Variants in ATG4C observed in about 807,000 individuals in gnomAD.
ATG4C encodes the protein cysteine protease ATG4C.
Under a neutral mutation model 57.6 loss-of-function variants are expected in ATG4C, and 56 were observed. The observed-to-expected ratio is 0.97, with a 90% CI of 0.78 to 1.21. The LOEUF (loss-of-function observed/expected upper bound fraction) is 1.21. ATG4C is among the 50% of genes most tolerant of loss of function. ATG4C has a pLI of 0.00. For synonymous variants in ATG4C, 157 were observed against 174.1 expected (o/e 0.90, Z 0.78); for missense variants, 595 against 529.8 (o/e 1.12, Z -1.21).
intron 1 of ATG4C, among the ~76,000 whole-genome samples, chr1:62,784,813 C>T (rs1664028345): frequency 6.6e-6 from 1 of 152,062 alleles, no homozygotes; most frequent in South Asian, 2.1e-4. Context: ...CATTTGGTTC[C>T]CGCTCACCGT....
chr1:62,803,909 A>G (rs12125325), intron 2 of ATG4C, 47 bp downstream of exon 2: 202,450 of 1,206,778 alleles, frequency 0.17, 18,881 homozygotes, highest in African/African-American at 0.29. Context: ...GAAATATTTG[A>G]CAATATTTAT....
At chr1:62,852,127 T>G (rs1666536082) in intron 10 of ATG4C, among the ~76,000 whole-genome samples, 1 of 152,336 alleles carries the variant, frequency 6.6e-6, no homozygotes, top group Non-Finnish European at 1.5e-5. Context: ...CAGTTCAGGT[T>G]GTAGGTGGCC....
At chr1:62,793,597 G>GAAAAAAAAAAAAAAAAAAAA (rs746057232) in intron 1 of ATG4C, among the ~76,000 whole-genome samples, 2 of 20,518 alleles carry the variant, frequency 9.7e-5, no homozygotes, top group Non-Finnish European at 1.8e-4. Flanking sequence ...ACCTTGTCTC[G>GAAAAAAAAAAAAAAAAAAAA]AAAAAAAAAA....
chr1:62,856,870 A>G lies in ATG4C; in HGVS notation c.1210-7122A>G, dbSNP rs77835932. On this transcript the variant is annotated intron_variant, in intron 10 of 10. Coordinates refer to ENST00000317868, the MANE Select transcript of ATG4C (RefSeq NM_032852.4). The stretch of plus-strand genomic sequence containing the variant: ...ATCTATGGTAGGATGTTTATGAGGT[A>G]GTCTGTTTAAGGGAACAGTAAAACC... 6.2e-3 allele frequency among the ~76,000 whole-genome samples: 938 copies of G among 152,244 alleles called. 8 individuals carry two copies. The highest frequency in any genetic ancestry group is 0.039 in the South Asian group (187 of 4,818).
intron 6 of ATG4C, among the ~76,000 whole-genome samples, chr1:62,825,324 C>G (rs562126871): frequency 9.4e-4 from 143 of 151,646 alleles, no homozygotes; most frequent in African/African-American, 2.9e-3. Flanking sequence ...CTCGCAGTAA[C>G]TTCTCAGTCC....
intron 10 of ATG4C, among the ~76,000 whole-genome samples, chr1:62,844,438 A>G (rs1251570535): frequency 6.6e-6 from 1 of 152,218 alleles, no homozygotes; most frequent in Non-Finnish European, 1.5e-5. Flanking sequence ...AAAGGGGTAT[A>G]TAAGTCTCTG....
intron 10 of ATG4C, among the ~76,000 whole-genome samples, chr1:62,858,877 C>T (rs969906834): frequency 2.0e-5 from 3 of 152,096 alleles, no homozygotes; most frequent in Admixed American, 6.5e-5. Context: ...ACACTTAGTT[C>T]GACTATATGA....
intron 3 of ATG4C, among the ~76,000 whole-genome samples, chr1:62,812,454 T>A (rs889953322): frequency 6.6e-6 from 1 of 152,102 alleles, no homozygotes; most frequent in Non-Finnish European, 1.5e-5. Context: ...ATAAACTAGG[T>A]ATTGATGGAA....
Position 62,816,772 on chromosome 1 carries a change from T to C in ATG4C, c.358T>C (p.Leu120=). The C allele has an allele frequency of 6.2e-7, 1 of 1,609,690 alleles. No homozygotes were observed. The highest frequency in any genetic ancestry group is 1.1e-5 in the South Asian group (1 of 90,372). ...CACATTGAGAACTGGCCAGATGCTC[T>C]TGGCTCAAGGACTCATACTACACTT... The part of the protein sequence containing the change: ...GCTLRTGQML[L]AQGLILHFLG... The change falls in exon 4 of 11, where the codon TTG becomes CTG. Residue 120 remains leucine (L), a synonymous_variant. Coordinates refer to ENST00000317868, the MANE Select transcript of ATG4C (RefSeq NM_032852.4).
Position 62,816,708 on chromosome 1 carries a change from A to G in ATG4C, c.294A>G (p.Ile98Met), listed in dbSNP as rs373149261. The change falls in exon 4 of 11, where the codon ATA becomes ATG. Residue 98 changes from isoleucine (I) to methionine (M), a missense_variant. Ile to Met is a conservative substitution (Grantham distance 10). Transcript: ENST00000317868. ...CCTACAGGGAAGAATTCCCTCAAAT[A>G]GAAGGCTCAGCTTTGACAACAGACT... ...WLTYREEFPQIEGSALTTDCG... is the reference protein window; with the variant it reads ...WLTYREEFPQMEGSALTTDCG... 9 of 1,613,818 alleles carry G rather than the reference A, an allele frequency of 5.6e-6. No homozygotes were observed. Among genetic ancestry groups the G allele is most frequent in the Admixed American group, 1.7e-5 (1 of 59,954 alleles).
intron 10 of ATG4C, among the ~76,000 whole-genome samples, chr1:62,845,400 T>C (rs1666297121): frequency 1.3e-5 from 2 of 152,168 alleles, no homozygotes; most frequent in Admixed American, 6.6e-5. Flanking sequence ...TTTTGTGAAT[T>C]TCCCATTCAT....
intron 7 of ATG4C, among the ~76,000 whole-genome samples, chr1:62,830,232 G>T (rs1431519450): frequency 1.3e-5 from 2 of 152,042 alleles, no homozygotes; most frequent in Admixed American, 1.3e-4. Flanking sequence ...CCAAATAAAG[G>T]TAAGGTTTTG....
At chr1:62,789,790 C>G (rs987101639) in intron 1 of ATG4C, among the ~76,000 whole-genome samples, 2 of 151,974 alleles carry the variant, frequency 1.3e-5, no homozygotes, top group East Asian at 3.9e-4. Context: ...GCACTCCAGC[C>G]TGGGCGACAG....
intron 10 of ATG4C, among the ~76,000 whole-genome samples, chr1:62,850,899 TATAC>T (rs1205883862): frequency 0.012 from 774 of 62,506 alleles, 24 homozygotes; most frequent in African/African-American, 0.025. Context: ...TATATATATA[TATAC>T]ATACACATAC....
At chr1:62,802,227 G>C (rs1664702981) in intron 1 of ATG4C, among the ~76,000 whole-genome samples, 1 of 151,648 alleles carries the variant, frequency 6.6e-6, no homozygotes, top group African/African-American at 2.4e-5. Flanking sequence ...TTTTCTACAT[G>C]TTTCCTCAGA....
At chr1:62,830,148 G>A (rs1276252338) in intron 7 of ATG4C, among the ~76,000 whole-genome samples, 2 of 151,968 alleles carry the variant, frequency 1.3e-5, no homozygotes, top group East Asian at 3.9e-4. Context: ...TTTCTTAATA[G>A]TTACTAAAAT....
rs566831913 is a variant in ATG4C, at chr1:62,843,218, T to C, written c.1209+1671T>C. ...ATTAAAGACACTTATGGCTTTTACATTGGAAAAATACTTAGAAATTATTAT... is the reference window on the plus strand; with the variant it reads ...ATTAAAGACACTTATGGCTTTTACACTGGAAAAATACTTAGAAATTATTAT... On this transcript the variant is annotated intron_variant, in intron 10 of 10. Transcript: ENST00000317868. Among the ~76,000 whole-genome samples the C allele has an allele frequency of 4.8e-4, 73 of 152,300 alleles. No homozygotes were observed. In the Middle Eastern group the frequency reaches 0.014, roughly 29 times the overall value.
intron 7 of ATG4C, among the ~76,000 whole-genome samples, chr1:62,830,433 T>G (rs1034575043): frequency 6.6e-6 from 1 of 152,126 alleles, no homozygotes; most frequent in African/African-American, 2.4e-5. Context: ...ACTGATGCAG[T>G]CTTGGAACTG....
chr1:62,832,585 T>C (rs1010466571), intron 7 of ATG4C, among the ~76,000 whole-genome samples: 4 of 152,192 alleles, frequency 2.6e-5, no homozygotes, highest in Non-Finnish European at 4.4e-5. Flanking sequence ...TATTTTTAGT[T>C]AGCTCTAAGA....
Sources: gnomAD v4.1 joint callset for allele counts (sites outside exome capture counted in the v4.1 genomes callset) on GRCh38, gnomAD v4.1.1 for gene constraint, MANE v1.5 for transcripts, NCBI Gene and HGNC (gene_info 2026-07-23, HGNC 2026-07-21) for gene names.